The following TTC39C variants were observed in gnomAD, a reference collection of about 807,000 sequenced individuals.
TTC39C encodes tetratricopeptide repeat domain 39C, also known as tetratricopeptide repeat protein 39C.
TTC39C carries 33 observed loss-of-function variants against 76.3 expected under a neutral mutation model. The ratio of observed to expected loss-of-function variants is 0.43; its 90% CI spans 0.33 to 0.58. TTC39C has a LOEUF of 0.58. Ranked by LOEUF, TTC39C falls within the 20% of genes least tolerant of loss-of-function variation. The pLI is 0.04. For missense variants in TTC39C, 595 were observed against 701.4 expected, an observed-to-expected ratio of 0.85 and a Z score of 1.71; for synonymous variants, 254 against 260.6, an observed-to-expected ratio of 0.97 and a Z score of 0.24.
intron 1 of TTC39C, among the ~76,000 whole-genome samples, chr18:24,063,775 A>T (rs2145730325): frequency 6.6e-6 from 1 of 152,184 alleles, no homozygotes. Flanking sequence ...CAGCCTCCCA[A>T]AGTGCTGGGA....
chr18:24,022,594 A>G (rs577517166), intron 1 of TTC39C: 1 of 985,384 alleles, frequency 1.0e-6, no homozygotes, highest in East Asian at 1.1e-4. Context: ...TTTTGGGGCA[A>G]GTTCCTTCAG....
intron 1 of TTC39C, among the ~76,000 whole-genome samples, chr18:24,020,485 G>A (rs1198948107): frequency 6.6e-6 from 1 of 152,226 alleles, no homozygotes; most frequent in Non-Finnish European, 1.5e-5. Context: ...AGTCACATAT[G>A]TAGTTATCCC....
intron 1 of TTC39C, chr18:24,020,076 C>A: frequency 1.5e-6 from 2 of 1,342,492 alleles, no homozygotes; most frequent in East Asian, 3.0e-5. Flanking sequence ...CTCCTGGAGA[C>A]GATAGGAGAG....
At chr18:24,006,170 G>A (rs1416149924) in intron 1 of TTC39C, among the ~76,000 whole-genome samples, 5 of 151,786 alleles carry the variant, frequency 3.3e-5, no homozygotes, top group Admixed American at 1.3e-4. Flanking sequence ...ATACCATCAC[G>A]TCCAGCTAAT....
rs1274103551 is a variant in TTC39C, at chr18:24,132,409, G to A, written c.1663-76G>A. The A allele has an allele frequency of 2.3e-6, 3 of 1,283,450 alleles. No homozygotes were observed. In the Admixed American group the frequency reaches 6.4e-5, roughly 28 times the overall value. 79.5% of individuals were successfully genotyped at this position (1,283,450 alleles called of 1,614,324 possible). ...ATTTTACTTTGGGAAATGCAAAATTGAGTGTGCTTTATACCACAGTACCCT... is the reference window on the plus strand; with the variant it reads ...ATTTTACTTTGGGAAATGCAAAATTAAGTGTGCTTTATACCACAGTACCCT... On this transcript the variant is annotated intron_variant, in intron 13 of 13. Transcript: ENST00000317571.
chr18:24,021,308 C>T (rs1000438427), intron 1 of TTC39C, among the ~76,000 whole-genome samples: 3 of 152,196 alleles, frequency 2.0e-5, no homozygotes, highest in Non-Finnish European at 2.9e-5. Context: ...CTCCTCCCAA[C>T]ACCCTAAATT....
At chr18:24,082,015 G>GTT (rs35218868) in intron 5 of TTC39C, among the ~76,000 whole-genome samples, 99 of 120,752 alleles carry the variant, frequency 8.2e-4, no homozygotes, top group African/African-American at 1.2e-3. Flanking sequence ...TCTGGCTGTT[G>GTT]TTTTTTTTTT....
chr18:24,001,864 G>C lies in TTC39C; in HGVS notation c.-17+8826G>C, dbSNP rs375033182. 1.0e-3 allele frequency among the ~76,000 whole-genome samples: 133 copies of C among 128,262 alleles called. 1 individual carries two copies. The highest frequency in any genetic ancestry group is 5.2e-3 in the Admixed American group (54 of 10,288). 84.1% of individuals were successfully genotyped at this position (128,262 alleles called of 152,430 possible). ...TTTTTGAGACGGAGTCTCGCTCTGT[G>C]GCCCAGGCGGGAGTGCAGTGGCGCA... is the stretch of plus-strand genomic sequence containing the variant. On this transcript the variant is annotated intron_variant, in intron 1 of 13. Coordinates refer to the TTC39C transcript ENST00000304621.
chr18:24,103,510 G>A (rs2084704556), intron 6 of TTC39C, among the ~76,000 whole-genome samples: 1 of 152,190 alleles, frequency 6.6e-6, no homozygotes, highest in Admixed American at 6.5e-5. Context: ...GTGTGGTCTG[G>A]TTCTTGGGAA....
rs147210803 is a variant in TTC39C at position 24,132,528 on chromosome 18, G to A, written c.1706G>A (p.Arg569His). 11 of 1,613,948 alleles carry A rather than the reference G, an allele frequency of 6.8e-6. No individual in the cohort carries two copies. The highest frequency in any genetic ancestry group is 2.2e-5 in the East Asian group (1 of 44,876). ...GYDFENRLHV[R>H]IHAALASLRE... ...GACTTTGAAAACAGATTGCATGTCCGCATCCATGCTGCTCTGGCCTCTCTG... is the reference window on the plus strand; with the variant it reads ...GACTTTGAAAACAGATTGCATGTCCACATCCATGCTGCTCTGGCCTCTCTG... Residue 569 changes from arginine (R) to histidine (H), a missense_variant, in exon 14 of 14, where the codon CGC (arginine) becomes CAC (histidine). Coordinates refer to ENST00000317571, the MANE Select transcript of TTC39C (RefSeq NM_001135993.2).
At position 24,016,985 on chromosome 18, in the gene TTC39C, A is replaced by AGTCCT. The variant is rs1258273261; in HGVS notation, c.167+1948_167+1949insTCCTG. ...TGAGACTTAGTTTTTACTGTGGACCAGGACACAAACACTATAGTTCTAAAT... is the reference window on the plus strand; with the variant it reads ...TGAGACTTAGTTTTTACTGTGGACCAGTCCTGGACACAAACACTATAGTTCTAAAT... On this transcript the variant is annotated intron_variant, in intron 1 of 13. Transcript: ENST00000317571. Among the ~76,000 whole-genome samples the AGTCCT allele has an allele frequency of 1.7e-4, 26 of 152,344 alleles. 1 individual carries two copies. The South Asian group carries it at 4.8e-3, about 28-fold the overall frequency.
In TTC39C at chr18:24,083,045, CTT is replaced by C; in HGVS notation, c.950_951del (p.Phe317TyrfsTer41). ...AAGCTGCTTATCCAAATTCTTCCCT[CTT>C]TATGTTTTTCAAGGGACGGATACAA... ...KEAAYPNSSL[F>X]MFFKGRIQRL... On this transcript the variant is annotated frameshift_variant, in exon 6 of 14. Transcript: ENST00000317571. LOFTEE classifies it high-confidence loss of function. 2 of 1,614,100 alleles carry C rather than the reference CTT, an allele frequency of 1.2e-6. No homozygotes were observed. Among genetic ancestry groups the C allele is most frequent in the Non-Finnish European group, 1.7e-6 (2 of 1,179,968 alleles).
chr18:24,041,896 C>A (rs1313122994), intron 1 of TTC39C, among the ~76,000 whole-genome samples: 1 of 152,078 alleles, frequency 6.6e-6, no homozygotes, highest in Non-Finnish European at 1.5e-5. Context: ...TTCAGCCCGG[C>A]GTGATTACAT....
chr18:24,001,819 TTC>T (rs1179642424), intron 1 of TTC39C, among the ~76,000 whole-genome samples: 2 of 53,752 alleles, frequency 3.7e-5, no homozygotes, highest in African/African-American at 5.6e-5. Flanking sequence ...TGTACGGTAA[TTC>T]TGTTTTTTTT....
intron 1 of TTC39C, chr18:24,000,248 G>A (rs2083301740): frequency 1.3e-5 from 2 of 152,194 alleles, no homozygotes; most frequent in African/African-American, 2.4e-5. Context: ...TCTTACAGAG[G>A]TAATCAAATT....
At chr18:24,126,432 A>G (rs1453742323) in intron 10 of TTC39C, among the ~76,000 whole-genome samples, 1 of 150,406 alleles carries the variant, frequency 6.6e-6, no homozygotes, top group East Asian at 1.9e-4. Context: ...TCTTTAAAAA[A>G]AAAAAAAAAA....
intron 6 of TTC39C, among the ~76,000 whole-genome samples, chr18:24,113,151 G>A (rs921455182): frequency 3.9e-5 from 6 of 152,208 alleles, no homozygotes; most frequent in East Asian, 3.8e-4. Context: ...ATTCATAAAC[G>A]GTGATAATGG....
intron 1 of TTC39C, among the ~76,000 whole-genome samples, chr18:24,052,480 A>G (rs963988648): frequency 1.3e-5 from 2 of 152,152 alleles, no homozygotes; most frequent in African/African-American, 4.8e-5. Flanking sequence ...TTCATTTTAA[A>G]CTGAGGAATA....
intron 4 of TTC39C, 72 bp from the exon 5 acceptor site, chr18:24,080,513 A>G (rs2084362940): frequency 2.6e-6 from 3 of 1,175,360 alleles, no homozygotes; most frequent in Non-Finnish European, 3.6e-6. Flanking sequence ...GTTACTGTTC[A>G]GTATCCTTTA....
Sources: allele counts gnomAD v4.1 joint callset (sites outside exome capture counted in the v4.1 genomes callset), GRCh38; gene constraint gnomAD v4.1.1; transcripts MANE v1.5; gene names NCBI Gene and HGNC (gene_info 2026-07-23, HGNC 2026-07-21).